CCDC73: variants seen among roughly 807,000 people sequenced by gnomAD.
CCDC73 encodes the protein coiled-coil domain containing 73.
A neutral mutation model predicts 116.5 loss-of-function variants in CCDC73; 95 were observed. The ratio of observed to expected loss-of-function variants is 0.82; its 90% confidence interval spans 0.69 to 0.97. The LOEUF is 0.97. Ranked by LOEUF, CCDC73 falls within the 50% of genes least tolerant of loss-of-function variation. The probability of loss-of-function intolerance (pLI) is 0.00; values close to 1 mark genes in which losing one functional copy is unlikely to be tolerated. For synonymous variants in CCDC73, 398 were observed against 401.3 expected (o/e 0.99, Z 0.10); for missense variants, 1,066 against 1,206.8 (o/e 0.88, Z 1.73).
intron 2 of CCDC73, among the ~76,000 whole-genome samples, chr11:32,734,343 C>G (rs1003708277): frequency 6.6e-6 from 1 of 151,296 alleles, no homozygotes; most frequent in South Asian, 2.1e-4. Flanking sequence ...ACCAGAGGTA[C>G]AAAGAGGAGC....
chr11:32,801,778 A>G, the CCDC73 span, among the ~76,000 whole-genome samples: 2 of 152,204 alleles, frequency 1.3e-5, no homozygotes, highest in African/African-American at 4.8e-5. Context: ...AGTTTAATGT[A>G]TCTATGAGAC....
intron 9 of CCDC73, among the ~76,000 whole-genome samples, chr11:32,667,570 C>T (rs949658547): frequency 1.3e-5 from 2 of 152,150 alleles, no homozygotes; most frequent in Non-Finnish European, 2.9e-5. Context: ...TCACAGCTCC[C>T]TTGGCTAGGA....
intron 1 of CCDC73, among the ~76,000 whole-genome samples, chr11:32,772,911 C>T (rs537077449): frequency 6.6e-6 from 1 of 152,196 alleles, no homozygotes; most frequent in East Asian, 1.9e-4. Context: ...AAAGGTTAAA[C>T]ATAAAGTTAC....
chr11:32,763,521 C>T (rs1448126462), intron 1 of CCDC73, among the ~76,000 whole-genome samples: 1 of 152,194 alleles, frequency 6.6e-6, no homozygotes, highest in Non-Finnish European at 1.5e-5. Flanking sequence ...AGTGGACCTC[C>T]AGCAAACTCC....
chr11:32,727,248 T>C (rs1431801248), intron 2 of CCDC73, among the ~76,000 whole-genome samples: 1 of 152,222 alleles, frequency 6.6e-6, no homozygotes, highest in African/African-American at 2.4e-5. Flanking sequence ...ACATGAATTA[T>C]TTCTGGAGAT....
intron 1 of CCDC73, among the ~76,000 whole-genome samples, chr11:32,769,253 C>T (rs1326619030): frequency 6.6e-6 from 1 of 152,108 alleles, no homozygotes; most frequent in Non-Finnish European, 1.5e-5. Context: ...TTATTTAGCT[C>T]AGGATTCTTA....
At chr11:32,763,161 A>C (rs1007331344) in intron 1 of CCDC73, among the ~76,000 whole-genome samples, 8 of 152,162 alleles carry the variant, frequency 5.3e-5, no homozygotes, top group Admixed American at 6.5e-5. Context: ...TGTAGACTCC[A>C]CCTCTGTGGG....
chr11:32,693,370 T>A (rs904548216), intron 6 of CCDC73, among the ~76,000 whole-genome samples: 6 of 152,218 alleles, frequency 3.9e-5, no homozygotes, highest in Non-Finnish European at 7.3e-5. Flanking sequence ...ATCACAAGTA[T>A]CTTCATTGCT....
chr11:32,799,257 A>G (rs1850751786), upstream of CCDC73, among the ~76,000 whole-genome samples: 1 of 151,678 alleles, frequency 6.6e-6, no homozygotes, highest in South Asian at 2.1e-4. Context: ...ACGCTCAGTT[A>G]ATTTTTGTAT....
rs187379619 is a variant in CCDC73 at position 32,749,192 on chromosome 11, G to A, written c.135+10917C>T. On this transcript the variant is annotated intron_variant, in intron 2 of 17. Transcript: ENST00000335185. The stretch of plus-strand genomic sequence containing the variant: ...AAAACACTTAGATTTGCCCTTTTGA[G>A]GCTATTTTCTCGATTTTGTATGTGT... Among the ~76,000 whole-genome samples, 7 of 152,058 alleles carry A rather than the reference G, an allele frequency of 4.6e-5. No homozygotes were observed. In the East Asian group the frequency reaches 1.4e-3, roughly 29 times the overall value.
chr11:32,643,941 T>G (rs1480025860), intron 12 of CCDC73, among the ~76,000 whole-genome samples: 1 of 152,116 alleles, frequency 6.6e-6, no homozygotes, highest in African/African-American at 2.4e-5. Context: ...TACAGCTGTA[T>G]AAAAATATTT....
intron 3 of CCDC73, among the ~76,000 whole-genome samples, chr11:32,709,325 A>C (rs1461488468): frequency 1.3e-5 from 2 of 151,918 alleles, no homozygotes; most frequent in African/African-American, 4.8e-5. Flanking sequence ...TTGAGATGGA[A>C]TCTTACTCTG....
At chr11:32,728,951 C>T (rs571870477) in intron 2 of CCDC73, among the ~76,000 whole-genome samples, 6 of 152,136 alleles carry the variant, frequency 3.9e-5, no homozygotes, top group African/African-American at 9.6e-5. Flanking sequence ...GTGATTCACC[C>T]GCCTTGGCCT....
At chr11:32,687,865 A>G (rs1259556286) in intron 6 of CCDC73, among the ~76,000 whole-genome samples, 1 of 152,146 alleles carries the variant, frequency 6.6e-6, no homozygotes, top group Non-Finnish European at 1.5e-5. Context: ...TGATCCTGGT[A>G]CATTTTATTT....
At chr11:32,759,343 T>C (rs1456952905) in intron 2 of CCDC73, among the ~76,000 whole-genome samples, 2 of 150,268 alleles carry the variant, frequency 1.3e-5, no homozygotes, top group Non-Finnish European at 3.0e-5. Context: ...TTTTTTTTTT[T>C]TTCTTGAGAT....
chr11:32,661,735 C>T (rs1161549085), intron 9 of CCDC73, among the ~76,000 whole-genome samples: 1 of 150,894 alleles, frequency 6.6e-6, no homozygotes, highest in African/African-American at 2.4e-5. Context: ...GCACAATGTG[C>T]AGGTCTGTTA....
intron 2 of CCDC73, among the ~76,000 whole-genome samples, chr11:32,734,985 ACT>A (rs1850115593): frequency 6.6e-6 from 1 of 152,152 alleles, no homozygotes; most frequent in African/African-American, 2.4e-5. Flanking sequence ...CATGCTAAAA[ACT>A]CTCAATAAAT....
At chr11:32,744,077 G>A (rs890733483) in intron 2 of CCDC73, among the ~76,000 whole-genome samples, 15 of 152,182 alleles carry the variant, frequency 9.9e-5, no homozygotes, top group African/African-American at 3.4e-4. Context: ...TTTGAGATAC[G>A]TTCCATCGAT....
At chr11:32,829,907 G>A in the CCDC73 span, 1 of 985,594 alleles carries the variant, frequency 1.0e-6, no homozygotes, top group African/African-American at 1.7e-5. Context: ...GGTGTCCCCA[G>A]GTAGCCGCCT....
Sources: gnomAD v4.1 joint callset for allele counts (sites outside exome capture counted in the v4.1 genomes callset) on GRCh38, gnomAD v4.1.1 for gene constraint, MANE v1.5 for transcripts, NCBI Gene and HGNC (gene_info 2026-07-23, HGNC 2026-07-21) for gene names.